Variants in ILKAP observed in about 807,000 individuals in gnomAD.
The protein encoded by ILKAP is ILK associated serine/threonine phosphatase, also known as integrin-linked kinase-associated serine/threonine phosphatase 2C.
A neutral mutation model predicts 49.1 loss-of-function variants in ILKAP; 11 were observed. The ratio of observed to expected loss-of-function variants is 0.22; its 90% CI spans 0.14 to 0.37. ILKAP has a LOEUF of 0.37. Ranked by LOEUF, ILKAP falls within the 10% of genes least tolerant of loss-of-function variation. The probability of loss-of-function intolerance (pLI) is 1.00; values close to 1 mark genes in which losing one functional copy is unlikely to be tolerated. For missense variants in ILKAP, 363 were observed against 510.8 expected (o/e 0.71, Z 2.79); for synonymous variants, 186 against 192.8 (o/e 0.96, Z 0.29).
chr2:238,181,654 G>A (rs1294351239), intron 9 of ILKAP, among the ~76,000 whole-genome samples: 4 of 146,370 alleles, frequency 2.7e-5, no homozygotes, highest in Admixed American at 7.1e-5. Flanking sequence ...ATGGAGTCTC[G>A]CTCTGTTGCC....
intron 9 of ILKAP, among the ~76,000 whole-genome samples, chr2:238,177,306 T>C (rs1693503475): frequency 6.6e-6 from 1 of 152,226 alleles, no homozygotes; most frequent in Non-Finnish European, 1.5e-5. Flanking sequence ...GTTTTTCATG[T>C]TTTTTATTGT....
intron 1 of ILKAP, 34 bp downstream of exon 1, chr2:238,203,465 C>T (rs1306388203): frequency 8.2e-7 from 1 of 1,219,554 alleles, no homozygotes; most frequent in Non-Finnish European, 1.0e-6. Flanking sequence ...CCTGCTCTCC[C>T]TTCCCTGGCC....
At chr2:238,190,877 T>TTAAA (rs1252463558) in intron 3 of ILKAP, among the ~76,000 whole-genome samples, 7 of 95,130 alleles carry the variant, frequency 7.4e-5, no homozygotes, top group Non-Finnish European at 9.6e-5. Flanking sequence ...CGTTTCTCTT[T>TTAAA]AAAAAAAAAA....
chr2:238,194,881 G>C lies in ILKAP; in HGVS notation c.56-11C>G. On this transcript the variant is annotated splice_polypyrimidine_tract_variant and intron_variant, in intron 1 of 11. Coordinates refer to ENST00000254654, the MANE Select transcript of ILKAP (RefSeq NM_030768.3). ...TCTGAGCTTCTTTCCCTAAAACACAGAAAACCTGTTTAGAGAGCATATGGT... is the reference window on the plus strand; with the variant it reads ...TCTGAGCTTCTTTCCCTAAAACACACAAAACCTGTTTAGAGAGCATATGGT... 1 of 1,609,574 alleles carries C rather than the reference G, an allele frequency of 6.2e-7. No individual in the cohort carries two copies. The highest frequency in any genetic ancestry group is 2.2e-5 in the East Asian group (1 of 44,858).
chr2:238,203,530 C>T lies in ILKAP; in HGVS notation c.24G>A (p.Pro8=), dbSNP rs1377165472. The T allele has an allele frequency of 5.7e-6, 7 of 1,231,762 alleles. No homozygotes were observed. Among genetic ancestry groups the T allele is most frequent in the Non-Finnish European group, 7.1e-6 (7 of 981,120 alleles). The allele number at this position is 1,231,762 out of a possible 1,614,324, so 76.3% of individuals were successfully genotyped here. A position where few individuals can be genotyped will look rare whatever the true frequency, so the allele number is the denominator to read the frequency against. ...CCGGGCGCGGCGAGCGCTCGGGCTCCGGCAGGTCCCCGAAGAGGTCCATGG... is the reference window on the plus strand; with the variant it reads ...CCGGGCGCGGCGAGCGCTCGGGCTCTGGCAGGTCCCCGAAGAGGTCCATGG... The part of the protein sequence containing the change: MDLFGDL[P]EPERSPRPAA... Residue 8 remains proline, a synonymous_variant, in exon 1 of 12, where the codon CCG becomes CCA. Coordinates refer to ENST00000254654, the MANE Select transcript of ILKAP (RefSeq NM_030768.3).
chr2:238,182,611 G>A (rs559482154), intron 8 of ILKAP, among the ~76,000 whole-genome samples: 385 of 152,318 alleles, frequency 2.5e-3, no homozygotes, highest in Non-Finnish European at 3.8e-3. Flanking sequence ...CAGGTAGGCC[G>A]TCCACACCAG....
At chr2:238,201,741 A>C (rs1270708742) in intron 1 of ILKAP, among the ~76,000 whole-genome samples, 2 of 152,258 alleles carry the variant, frequency 1.3e-5, no homozygotes, top group Non-Finnish European at 2.9e-5. Flanking sequence ...GTTTACACGC[A>C]CACTGGTGAA....
chr2:238,183,974 A>C, intron 7 of ILKAP, 46 bp downstream of exon 7: 1 of 1,162,202 alleles, frequency 8.6e-7, no homozygotes, highest in East Asian at 2.4e-5. Context: ...ATTTAGGAAA[A>C]CACCACACAC....
intron 1 of ILKAP, among the ~76,000 whole-genome samples, chr2:238,199,643 T>C (rs759003750): frequency 2.6e-5 from 4 of 152,236 alleles, no homozygotes; most frequent in South Asian, 4.1e-4. Flanking sequence ...GCCTTTATAG[T>C]ATCATTTGTC....
Position 238,173,575 on chromosome 2 carries a change from A to T in ILKAP, c.915T>A (p.Ser305=). Residue 305 remains serine, a synonymous_variant, in exon 10 of 12, where the codon TCT becomes TCA. Transcript: ENST00000254654. ...GCTGGCAGCGTCTGATGTCGGGCAC[A>T]GAGGTGACACCGCAGCGCTTGTACT... is the stretch of plus-strand genomic sequence containing the variant. ...DGQYKRCGVT[S]VPDIRRCQLT... 7.4e-6 allele frequency: 12 copies of T among 1,613,996 alleles called. No individual in the cohort carries two copies. The highest frequency in any genetic ancestry group is 1.0e-5 in the Non-Finnish European group (12 of 1,179,900).
At position 238,196,559 on chromosome 2, in the gene ILKAP, A is replaced by G. The variant is rs565002712; in HGVS notation, c.56-1689T>C. On this transcript the variant is annotated intron_variant, in intron 1 of 11. Transcript: ENST00000254654. The stretch of plus-strand genomic sequence containing the variant: ...AATTCAACTAAACAAATAAATTTAT[A>G]TCCCCCAAGAGGGTCATCCCTATCA... Among the ~76,000 whole-genome samples the G allele has an allele frequency of 3.5e-4, 54 of 152,278 alleles. 1 individual carries two copies. The highest frequency in any genetic ancestry group is 1.3e-3 in the African/African-American group (53 of 41,554).
chr2:238,170,970 G>T lies in ILKAP; in HGVS notation c.1011C>A (p.Ala337=). 2 of 1,613,856 alleles carry T rather than the reference G, an allele frequency of 1.2e-6. No individual in the cohort carries two copies. The highest frequency in any genetic ancestry group is 1.7e-6 in the Non-Finnish European group (2 of 1,179,916). Residue 337 remains alanine, a synonymous_variant, in exon 11 of 12, where the codon GCC becomes GCA. Coordinates refer to ENST00000254654, the MANE Select transcript of ILKAP (RefSeq NM_030768.3). ...GLFKVFTPEE[A]VNFILSCLED... The stretch of plus-strand genomic sequence containing the variant: ...CGAGACAGGACAAGATGAAGTTCAC[G>T]GCTTCTTCTGGGGTAAAGACCTTGA...
At chr2:238,171,508 A>C (rs12619455) in intron 10 of ILKAP, among the ~76,000 whole-genome samples, 25,763 of 152,194 alleles carry the variant, frequency 0.17, 2,491 homozygotes, top group East Asian at 0.36. Context: ...CAAAGGTTTA[A>C]ACTACTTACA....
At chr2:238,194,529 C>T (rs967806503) in intron 2 of ILKAP, 198 bp from the exon 3 acceptor site, 1 of 613,508 alleles carries the variant, frequency 1.6e-6, no homozygotes, top group African/African-American at 1.8e-5. Flanking sequence ...AAATAAAAAT[C>T]TGCCTTAAAA....
At chr2:238,201,740 C>T (rs1337521783) in intron 1 of ILKAP, among the ~76,000 whole-genome samples, 1 of 152,232 alleles carries the variant, frequency 6.6e-6, no homozygotes, top group Non-Finnish European at 1.5e-5. Context: ...GGTTTACACG[C>T]ACACTGGTGA....
chr2:238,190,107 G>A (rs886211370), intron 3 of ILKAP, 135 bp from the exon 4 acceptor site: 14 of 861,312 alleles, frequency 1.6e-5, no homozygotes, highest in Non-Finnish European at 2.4e-5. Context: ...GGCAGACCCA[G>A]GAGTTGTGTC....
intron 1 of ILKAP, among the ~76,000 whole-genome samples, chr2:238,198,892 TTTTTCAACTATAAAATAAATCC>T (rs756020513): frequency 6.6e-5 from 10 of 152,156 alleles, no homozygotes; most frequent in Non-Finnish European, 1.5e-4. Context: ...ATACCTCAAT[TTTTTCAACTATAAAATAAATCC>T]AGGTGTTTTC....
chr2:238,201,185 T>C (rs1042817653), intron 1 of ILKAP, among the ~76,000 whole-genome samples: 5 of 152,188 alleles, frequency 3.3e-5, no homozygotes, highest in Non-Finnish European at 7.4e-5. Context: ...AAGTATGTTT[T>C]TTTTTTTTAA....
At chr2:238,180,771 G>A (rs1411516003) in intron 9 of ILKAP, among the ~76,000 whole-genome samples, 1 of 152,218 alleles carries the variant, frequency 6.6e-6, no homozygotes, top group Non-Finnish European at 1.5e-5. Context: ...CTGGGATATA[G>A]GAAGCAACTG....
Sources: allele counts gnomAD v4.1 joint callset (sites outside exome capture counted in the v4.1 genomes callset), GRCh38; gene constraint gnomAD v4.1.1; transcripts MANE v1.5; gene names NCBI Gene and HGNC (gene_info 2026-07-23, HGNC 2026-07-21).